The following SMARCE1 variants were observed in gnomAD, a reference collection of about 807,000 sequenced individuals.
SMARCE1 encodes the protein SWI/SNF-related matrix-associated actin-dependent regulator of chromatin subfamily E member 1.
SMARCE1 carries 13 observed loss-of-function variants against 54.9 expected under a neutral mutation model. The ratio of observed to expected loss-of-function variants is 0.24; its 90% confidence interval spans 0.15 to 0.38. SMARCE1 has a LOEUF of 0.38. SMARCE1 is among the 10% of genes least tolerant of loss of function. The pLI, the probability that SMARCE1 is intolerant of heterozygous loss-of-function variation, is 1.00. For missense variants in SMARCE1, 295 were observed against 523.8 expected (o/e 0.56, Z 4.26); for synonymous variants, 151 against 175.3 (o/e 0.86, Z 1.10).
intron 3 of SMARCE1, chr17:40,644,747 T>C (rs1032427135): frequency 6.6e-6 from 1 of 152,146 alleles, no homozygotes. Context: ...TAGTGAAAAG[T>C]AGACTAGCCT....
At position 40,628,932 on chromosome 17, in the gene SMARCE1, A is replaced by G. The variant is rs767262463; in HGVS notation, c.1089T>C (p.Thr363=). ...SQQNGEEGTS[T]PEDKESGQEG... ...CCTGCCCACTCTCCTTGTCCTCAGGAGTAGACGTGCCTTCTTCACCATTCT... is the reference window on the plus strand; with the variant it reads ...CCTGCCCACTCTCCTTGTCCTCAGGGGTAGACGTGCCTTCTTCACCATTCT... Residue 363 remains threonine (T), a synonymous_variant, in exon 11 of 11, where the codon ACT becomes ACC. Coordinates refer to ENST00000348513, the MANE Select transcript of SMARCE1 (RefSeq NM_003079.5). The G allele has an allele frequency of 2.6e-5, 42 of 1,613,760 alleles. 1 individual carries two copies. In the Middle Eastern group the frequency reaches 3.3e-3, roughly 127 times the overall value.
At chr17:40,630,647 A>G in intron 10 of SMARCE1, 67 bp downstream of exon 10, 1 of 1,361,518 alleles carries the variant, frequency 7.3e-7, no homozygotes, top group Non-Finnish European at 1.0e-6. Flanking sequence ...TTAGAAAGAA[A>G]AACCTAAATT....
At chr17:40,631,303 A>G (rs1037348929) in intron 9 of SMARCE1, 12 of 326,596 alleles carry the variant, frequency 3.7e-5, no homozygotes, top group Non-Finnish European at 5.0e-5. Context: ...ATAAATCACA[A>G]TAAAATGAAA....
chr17:40,635,223 T>C (rs1218278251), intron 7 of SMARCE1: 2 of 151,446 alleles, frequency 1.3e-5, no homozygotes, highest in Non-Finnish European at 2.9e-5. Context: ...TTGCACATCA[T>C]AGCAGTATAC....
In SMARCE1 at chr17:40,630,703, T is replaced by C; in HGVS notation, c.1027+11A>G. 1.2e-6 allele frequency: 2 copies of C among 1,610,962 alleles called. No homozygotes were observed. The highest frequency in any genetic ancestry group is 1.7e-6 in the Non-Finnish European group (2 of 1,177,138). ...TTGGCACTGCCTCTGCGTTTGTTGC[T>C]AGTGGGTTACCTGTCTCCATCGGAA... On this transcript the variant is annotated intron_variant, in intron 10 of 10. Transcript: ENST00000348513.
rs781742777 is a variant in SMARCE1, at chr17:40,632,540, C to T, written c.542-173G>A. 3.0e-5 allele frequency: 17 copies of T among 575,160 alleles called. 1 individual carries two copies. Among genetic ancestry groups the T allele is most frequent in the Non-Finnish European group, 4.9e-5 (16 of 326,260 alleles). 35.6% of individuals were successfully genotyped at this position (575,160 alleles called of 1,614,324 possible). ...TACTTGATAAAAACCATACAGAGGA[C>T]GTAATGTGTTCATTGGCCAAGGTAG... On this transcript the variant is annotated intron_variant, in intron 7 of 10. Coordinates refer to ENST00000348513, the MANE Select transcript of SMARCE1 (RefSeq NM_003079.5).
At chr17:40,637,210 C>G (rs904518324) in intron 5 of SMARCE1, 4 of 410,130 alleles carry the variant, frequency 9.8e-6, no homozygotes, top group Non-Finnish European at 1.8e-5. Flanking sequence ...CTTCACTTAA[C>G]ATTTTCCTCA....
At chr17:40,647,210 G>A (rs1437817354) in intron 1 of SMARCE1, 1 of 152,194 alleles carries the variant, frequency 6.6e-6, no homozygotes, top group Non-Finnish European at 1.5e-5. Context: ...TACGGGGTAC[G>A]CTTATGACAC....
At chr17:40,630,985 A>G in intron 9 of SMARCE1, 61 bp from the exon 10 acceptor site, 39 of 1,423,362 alleles carry the variant, frequency 2.7e-5, no homozygotes, top group Non-Finnish European at 3.7e-5. Flanking sequence ...AGCCAGATAT[A>G]TTCTTTCAAA....
Position 40,631,639 on chromosome 17 carries a change from T to G in SMARCE1, c.769A>C (p.Arg257=), listed in dbSNP as rs1597743097. The G allele has an allele frequency of 6.2e-7, 1 of 1,611,308 alleles. No homozygotes were observed. The highest frequency in any genetic ancestry group is 8.5e-7 in the Non-Finnish European group (1 of 1,177,764). The change falls in exon 9 of 11, where the codon AGG becomes CGG. Residue 257 remains arginine (R), a synonymous_variant. Transcript: ENST00000348513. ...GAATCTGTGCTTTCCAGGAATTTCC[T>G]CTTCTTCTCCTGGTGTCGTTCCTCT... The part of the protein sequence containing the change: ...QIEERHQEKK[R]KFLESTDSFN...
chr17:40,640,113 CTT>C (rs2037182977), intron 4 of SMARCE1: 1 of 152,156 alleles, frequency 6.6e-6, no homozygotes, highest in African/African-American at 2.4e-5. Flanking sequence ...TGAAATTTAT[CTT>C]GGTTACTCAG....
At chr17:40,637,420 C>G (rs1597746872) in intron 5 of SMARCE1, 72 bp downstream of exon 5, 1 of 1,231,062 alleles carries the variant, frequency 8.1e-7, no homozygotes, top group East Asian at 2.3e-5. Context: ...CTAAGCCGAT[C>G]TAAAGTTGGA....
Position 40,629,073 on chromosome 17 carries a change from C to T in SMARCE1, c.1028-80G>A, listed in dbSNP as rs1278919353. On this transcript the variant is annotated intron_variant, in intron 10 of 10. Transcript: ENST00000348513. ...TGCTGACAGTATACAGCTGTGCTGT[C>T]CAATATAGAAGCCACTAGCCACATG... is the stretch of plus-strand genomic sequence containing the variant. 2.5e-6 allele frequency: 3 copies of T among 1,200,650 alleles called. No individual in the cohort carries two copies. The East Asian group carries it at 7.1e-5, about 28-fold the overall frequency. The allele number at this position is 1,200,650 out of a possible 1,614,324, so 74.4% of individuals were successfully genotyped here. A position where few individuals can be genotyped will look rare whatever the true frequency, so the allele number is the denominator to read the frequency against.
Position 40,637,793 on chromosome 17 carries a change from T to C in SMARCE1, c.157-221A>G. The C allele has an allele frequency of 7.5e-6, 4 of 531,198 alleles. No individual in the cohort carries two copies. In the South Asian group the frequency reaches 8.5e-5, roughly 11 times the overall value. 32.9% of individuals were successfully genotyped at this position (531,198 alleles called of 1,614,324 possible). On this transcript the variant is annotated intron_variant, in intron 4 of 10. Transcript: ENST00000348513. ...TACTTAGCAGTTTATTGCCAATGCT[T>C]TGACAACCTGGCTGCAAGAACAAAT...
chr17:40,632,063 C>A (rs1026075126), intron 8 of SMARCE1, 132 bp downstream of exon 8: 3 of 720,438 alleles, frequency 4.2e-6, no homozygotes, highest in Admixed American at 5.7e-5. Context: ...CTTCCTTAAA[C>A]CTCTTCTCCA....
At chr17:40,640,811 A>G (rs555797371) in intron 4 of SMARCE1, 3 of 152,324 alleles carry the variant, frequency 2.0e-5, no homozygotes, top group Admixed American at 6.5e-5. Flanking sequence ...TAATTAATCT[A>G]CTATGTAGCT....
chr17:40,636,019 A>G lies in SMARCE1; in HGVS notation c.453T>C (p.Ala151=), dbSNP rs534177014. The change falls in exon 7 of 11, where the codon GCT becomes GCC. Residue 151 remains alanine, a synonymous_variant. Coordinates refer to ENST00000348513, the MANE Select transcript of SMARCE1 (RefSeq NM_003079.5). ...AYINAKSRAE[A]ALEEESRQRQ... is the part of the protein sequence containing the mutation. ...TCTGTCGACTTTCTTCCTCTAAAGC[A>G]GCTTCTGCACGACTTTTTGCATTTA... is the stretch of plus-strand genomic sequence containing the variant. The G allele has an allele frequency of 6.2e-7, 1 of 1,613,832 alleles. No homozygotes were observed. Among genetic ancestry groups the G allele is most frequent in the African/African-American group, 1.3e-5 (1 of 75,032 alleles).
At chr17:40,635,758 T>C (rs1394971123) in intron 7 of SMARCE1, 173 bp downstream of exon 7, 1 of 434,972 alleles carries the variant, frequency 2.3e-6, no homozygotes. Flanking sequence ...TTTCTTTTTC[T>C]TGTGGGAAAT....
At position 40,627,165 on chromosome 17, in the gene SMARCE1, C is replaced by A. The variant is rs1164954857; in HGVS notation, c.*1620G>T. The A allele has an allele frequency of 6.6e-6, 1 of 152,192 alleles. No individual in the cohort carries two copies. The highest frequency in any genetic ancestry group is 1.5e-5 in the Non-Finnish European group (1 of 68,040). The allele number at this position is 152,192 out of a possible 1,614,324, so 9.4% of individuals were successfully genotyped here. A position where few individuals can be genotyped will look rare whatever the true frequency, so the allele number is the denominator to read the frequency against. The stretch of plus-strand genomic sequence containing the variant: ...GCCAAATAATGGCCAAAGCTCAAAA[C>A]AGATCTATTTGATACAAATTCGTTC... On this transcript the variant is annotated 3_prime_UTR_variant, in exon 11 of 11. Coordinates refer to ENST00000348513, the MANE Select transcript of SMARCE1 (RefSeq NM_003079.5).
Sources: gnomAD v4.1 joint callset for allele counts on GRCh38, gnomAD v4.1.1 for gene constraint, MANE v1.5 for transcripts, NCBI Gene and HGNC (gene_info 2026-07-23, HGNC 2026-07-21) for gene names.